Variants in FYCO1 observed in about 807,000 individuals in gnomAD.
FYCO1 encodes FYVE and coiled-coil domain-containing protein 1.
Under a neutral mutation model 165.1 loss-of-function variants are expected in FYCO1, and 122 were observed. The observed-to-expected ratio is 0.74, with a 90% CI of 0.64 to 0.86. The LOEUF is 0.86. Ranked by LOEUF, FYCO1 falls within the 40% of genes least tolerant of loss-of-function variation. The pLI is 0.00. For synonymous variants in FYCO1, 648 were observed against 742.5 expected (o/e 0.87, Z 2.07); for missense variants, 1,702 against 1,810.3 (o/e 0.94, Z 1.09).
chr3:45,936,628 A>T, intron 14 of FYCO1, 85 bp from the exon 15 acceptor site: 2 of 938,024 alleles, frequency 2.1e-6, no homozygotes, highest in Non-Finnish European at 3.5e-6. Context: ...TTGGAGTCAC[A>T]GGCAGCCAAA....
chr3:45,948,710 T>G (rs1704798626), intron 14 of FYCO1, among the ~76,000 whole-genome samples: 1 of 152,208 alleles, frequency 6.6e-6, no homozygotes, highest in Non-Finnish European at 1.5e-5. Context: ...GAGAACCAAC[T>G]GACAACAGCT....
intron 14 of FYCO1, among the ~76,000 whole-genome samples, chr3:45,949,436 G>A (rs59463879): frequency 7.5e-4 from 114 of 152,324 alleles, no homozygotes; most frequent in African/African-American, 2.6e-3. Context: ...GTAGAGTCAG[G>A]AGACAGGGCC....
intron 2 of FYCO1, among the ~76,000 whole-genome samples, chr3:45,983,684 G>A (rs759867372): frequency 1.3e-4 from 20 of 152,172 alleles, no homozygotes; most frequent in African/African-American, 1.9e-4. Context: ...AAAGCCAGTG[G>A]CAAACTCAGA....
At chr3:45,983,192 C>T (rs1310781559) in intron 2 of FYCO1, among the ~76,000 whole-genome samples, 1 of 152,116 alleles carries the variant, frequency 6.6e-6, no homozygotes, top group Non-Finnish European at 1.5e-5. Context: ...CCAACATTTT[C>T]GAGGGTTAAA....
intron 14 of FYCO1, chr3:45,947,687 A>G (rs1704720232): frequency 3.3e-6 from 2 of 611,214 alleles, no homozygotes; most frequent in Non-Finnish European, 5.9e-6. Context: ...TCTCTTCTTG[A>G]ACACTCATGC....
At chr3:45,947,466 T>C in intron 14 of FYCO1, 1 of 1,614,238 alleles carries the variant, frequency 6.2e-7, no homozygotes, top group Non-Finnish European at 8.5e-7. Context: ...CAAGACTTTT[T>C]CTGCCTCCCA....
chr3:45,949,723 T>C (rs1704878981), intron 14 of FYCO1, among the ~76,000 whole-genome samples: 1 of 152,174 alleles, frequency 6.6e-6, no homozygotes, highest in Admixed American at 6.5e-5. Context: ...GCTGGGACCA[T>C]GGGGCTTTCC....
chr3:45,961,558 A>G (rs1293996647), intron 11 of FYCO1, among the ~76,000 whole-genome samples: 1 of 152,076 alleles, frequency 6.6e-6, no homozygotes, highest in Non-Finnish European at 1.5e-5. Context: ...AGCCTGGGCA[A>G]CAGAGTGAGA....
intron 14 of FYCO1, chr3:45,943,506 C>T (rs1471732334): frequency 6.6e-6 from 1 of 152,170 alleles, no homozygotes; most frequent in African/African-American, 2.4e-5. Flanking sequence ...TGAGCAAGCT[C>T]ATCTCTGGAA....
At chr3:45,945,056 T>C (rs1317430963) in intron 14 of FYCO1, 1 of 152,148 alleles carries the variant, frequency 6.6e-6, no homozygotes, top group Non-Finnish European at 1.5e-5. Flanking sequence ...GGCAGCATCC[T>C]TCCTTGCTAG....
At chr3:45,928,117 A>G (rs1241897065) in intron 16 of FYCO1, among the ~76,000 whole-genome samples, 1 of 152,202 alleles carries the variant, frequency 6.6e-6, no homozygotes, top group African/African-American at 2.4e-5. Context: ...GCTAATGGGC[A>G]CAGAATTTCT....
Position 45,984,188 on chromosome 3 carries a change from C to G in FYCO1, c.55+668G>C, listed in dbSNP as rs540258768. 3.3e-5 allele frequency among the ~76,000 whole-genome samples: 5 copies of G among 152,318 alleles called. No homozygotes were observed. The South Asian group carries it at 8.3e-4, about 25-fold the overall frequency. ...GGAAAACTTATAAAAACTCTGACCCCTGGGACAGCATCTGAAAGAGTGAAA... is the reference window on the plus strand; with the variant it reads ...GGAAAACTTATAAAAACTCTGACCCGTGGGACAGCATCTGAAAGAGTGAAA... On this transcript the variant is annotated intron_variant, in intron 2 of 17. Coordinates refer to ENST00000296137, the MANE Select transcript of FYCO1 (RefSeq NM_024513.4).
chr3:45,942,447 G>C (rs1306185242), intron 14 of FYCO1, among the ~76,000 whole-genome samples: 2 of 152,338 alleles, frequency 1.3e-5, no homozygotes, highest in Non-Finnish European at 2.9e-5. Flanking sequence ...AGCCACATGA[G>C]AAGGTTTGCC....
At position 45,975,253 on chromosome 3, in the gene FYCO1, G is replaced by A. The variant is rs779508309; in HGVS notation, c.381C>T (p.Asn127=). ...CCTGTATTTACCTGGTCACTTTGGT[G>A]TTCATGAAGCACTGCTGTAAGGTGT... ...LADTLQQCFM[N]TKVTSDWYYA... Residue 127 remains asparagine (N), a synonymous_variant, in exon 5 of 18, where the codon AAC becomes AAT. Transcript: ENST00000296137. 12 of 1,611,870 alleles carry A rather than the reference G, an allele frequency of 7.4e-6. No homozygotes were observed. Among genetic ancestry groups the A allele is most frequent in the South Asian group, 2.2e-5 (2 of 91,032 alleles).
chr3:45,991,217 T>C lies in FYCO1; in HGVS notation c.-113+4505A>G, dbSNP rs183446957. ...ATTGTGAACATTATGTTGTAATTAT[T>C]GTAAAAATATTGTGAGCTATTATTC... On this transcript the variant is annotated intron_variant, in intron 1 of 17. Transcript: ENST00000296137. Among the ~76,000 whole-genome samples, 3 of 152,356 alleles carry C rather than the reference T, an allele frequency of 2.0e-5. No individual in the cohort carries two copies. The East Asian group carries it at 5.8e-4, about 29-fold the overall frequency.
At position 45,936,561 on chromosome 3, in the gene FYCO1, A is replaced by ACTGTGTTCTCATTTGT; in HGVS notation, c.3945-19_3945-18insACAAATGAGAACACAG. 1 of 1,556,042 alleles carries ACTGTGTTCTCATTTGT rather than the reference A, an allele frequency of 6.4e-7. No individual in the cohort carries two copies. Among genetic ancestry groups the ACTGTGTTCTCATTTGT allele is most frequent in the Non-Finnish European group, 8.9e-7 (1 of 1,127,370 alleles). ...TAGTATCCCTGAAATGTCACAAATGAGAACACAGTCATTTAGCTATCAACA... is the reference window on the plus strand; with the variant it reads ...TAGTATCCCTGAAATGTCACAAATGACTGTGTTCTCATTTGTGAACACAGTCATTTAGCTATCAACA... On this transcript the variant is annotated intron_variant, in intron 14 of 17. Transcript: ENST00000296137.
At chr3:45,954,284 C>T (rs1016425177) in intron 14 of FYCO1, among the ~76,000 whole-genome samples, 2 of 152,038 alleles carry the variant, frequency 1.3e-5, no homozygotes, top group African/African-American at 4.8e-5. Flanking sequence ...TTATGTGTGG[C>T]CCAAAACAAT....
intron 10 of FYCO1, among the ~76,000 whole-genome samples, chr3:45,963,071 T>A (rs1225229022): frequency 6.6e-6 from 1 of 151,978 alleles, no homozygotes; most frequent in Non-Finnish European, 1.5e-5. Context: ...TGGGACATAA[T>A]AAAAGCTCCA....
At chr3:45,936,389 G>T in intron 15 of FYCO1, 59 bp downstream of exon 15, 1 of 1,150,992 alleles carries the variant, frequency 8.7e-7, no homozygotes, top group South Asian at 1.2e-5. Context: ...GCACTGGAGA[G>T]GCCAGTGCTC....
Sources: allele counts gnomAD v4.1 joint callset (sites outside exome capture counted in the v4.1 genomes callset), GRCh38; gene constraint gnomAD v4.1.1; transcripts MANE v1.5; gene names NCBI Gene and HGNC (gene_info 2026-07-23, HGNC 2026-07-21).